ASTN1: variants seen among roughly 807,000 people sequenced by gnomAD.
ASTN1 encodes astrotactin-1.
In ASTN1, 41 loss-of-function variants were observed where a neutral mutation model predicts 140.7. That is an observed-to-expected ratio of 0.29 (90% CI 0.23 to 0.38). The LOEUF is 0.38. Ranked by LOEUF, ASTN1 falls within the 10% of genes least tolerant of loss-of-function variation. ASTN1 has a pLI of 1.00. For missense variants in ASTN1, 1,479 were observed against 1,678.8 expected, an observed-to-expected ratio of 0.88 and a Z score of 2.08; for synonymous variants, 640 against 652.2, an observed-to-expected ratio of 0.98 and a Z score of 0.29.
chr1:176,879,901 T>G (rs113446088), intron 20 of ASTN1, among the ~76,000 whole-genome samples: 4 of 152,316 alleles, frequency 2.6e-5, no homozygotes, highest in African/African-American at 9.6e-5. Context: ...GTCAGTTTAT[T>G]TCATCATCAT....
intron 16 of ASTN1, among the ~76,000 whole-genome samples, chr1:176,906,904 G>C (rs1670030268): frequency 6.6e-6 from 1 of 151,626 alleles, no homozygotes; most frequent in South Asian, 2.1e-4. Context: ...GCTAAAGGAA[G>C]ATGTGTGATT....
intron 9 of ASTN1, among the ~76,000 whole-genome samples, chr1:176,962,143 G>A (rs1672691752): frequency 6.6e-6 from 1 of 152,210 alleles, no homozygotes; most frequent in African/African-American, 2.4e-5. Flanking sequence ...CTCACTTTGA[G>A]GGAAGGTCTC....
chr1:176,964,297 CATCAG>C (rs1308362234), intron 9 of ASTN1, among the ~76,000 whole-genome samples: 1 of 152,172 alleles, frequency 6.6e-6, no homozygotes, highest in Non-Finnish European at 1.5e-5. Context: ...TAGCTGAATT[CATCAG>C]CCGCTTATGC....
rs1672485092 is a variant in ASTN1 at position 176,957,941 on chromosome 1, T to G, written c.1737-113A>C. 3.8e-5 allele frequency: 50 copies of G among 1,304,978 alleles called. 1 individual carries two copies. In the South Asian group the frequency reaches 6.9e-4, roughly 18 times the overall value. 80.8% of individuals were successfully genotyped at this position (1,304,978 alleles called of 1,614,324 possible). A position where few individuals can be genotyped will look rare whatever the true frequency, so the allele number is the denominator to read the frequency against. On this transcript the variant is annotated intron_variant, in intron 10 of 22. Transcript: ENST00000361833. ...CAACTGAATTGTGTCTCACTCTGTC[T>G]TATAAAAATTGAAGATCAACTATAC... is the stretch of plus-strand genomic sequence containing the variant.
intron 3 of ASTN1, among the ~76,000 whole-genome samples, chr1:177,031,315 G>A (rs1676431788): frequency 1.3e-5 from 2 of 152,184 alleles, no homozygotes; most frequent in East Asian, 3.9e-4. Flanking sequence ...TTGAATTTGT[G>A]TGCATTCAGG....
intron 8 of ASTN1, among the ~76,000 whole-genome samples, chr1:177,011,859 T>C (rs934567811): frequency 1.1e-4 from 16 of 152,150 alleles, no homozygotes; most frequent in Non-Finnish European, 1.5e-5. Context: ...CTTCTTATAT[T>C]AGTGTCCTTG....
At chr1:177,066,622 G>C (rs1678368701) in intron 1 of ASTN1, among the ~76,000 whole-genome samples, 1 of 152,118 alleles carries the variant, frequency 6.6e-6, no homozygotes, top group African/African-American at 2.4e-5. Context: ...GGCAGTCCCT[G>C]AACTGAGCTG....
intron 9 of ASTN1, among the ~76,000 whole-genome samples, chr1:176,962,321 T>G (rs1672699183): frequency 6.6e-6 from 1 of 152,186 alleles, no homozygotes; most frequent in Non-Finnish European, 1.5e-5. Flanking sequence ...GCTTTGGCCC[T>G]TCCCAAGTTA....
chr1:176,888,575 C>T (rs1669138659), intron 17 of ASTN1, among the ~76,000 whole-genome samples: 1 of 152,206 alleles, frequency 6.6e-6, no homozygotes, highest in African/African-American at 2.4e-5. Context: ...GCTACTCTTC[C>T]CTCTGCCCAG....
At chr1:177,072,779 T>C (rs1678706105) in intron 1 of ASTN1, among the ~76,000 whole-genome samples, 1 of 152,338 alleles carries the variant, frequency 6.6e-6, no homozygotes, top group South Asian at 2.1e-4. Flanking sequence ...ATGAAGTCTA[T>C]GCACCATGTG....
intron 1 of ASTN1, among the ~76,000 whole-genome samples, chr1:177,107,895 G>T (rs955262605): frequency 6.6e-6 from 1 of 152,148 alleles, no homozygotes; most frequent in Non-Finnish European, 1.5e-5. Flanking sequence ...AAGGAGAATG[G>T]AAAGCAATAA....
chr1:177,132,580 C>T (rs1397602279), intron 1 of ASTN1, among the ~76,000 whole-genome samples: 1 of 152,200 alleles, frequency 6.6e-6, no homozygotes, highest in Non-Finnish European at 1.5e-5. Flanking sequence ...CATCCCAAGT[C>T]TGGAAGCTGT....
intron 9 of ASTN1, 69 bp downstream of exon 9, chr1:176,965,094 G>T: frequency 6.9e-7 from 1 of 1,457,098 alleles, no homozygotes; most frequent in Non-Finnish European, 9.6e-7. Flanking sequence ...AACTAGGAAA[G>T]TCAGTTCGGG....
chr1:176,988,885 T>G (rs1371648983), intron 8 of ASTN1, among the ~76,000 whole-genome samples: 1 of 152,220 alleles, frequency 6.6e-6, no homozygotes, highest in African/African-American at 2.4e-5. Context: ...ATACACCTCC[T>G]GTCTATTCAG....
chr1:177,017,566 G>A (rs1188023963), intron 7 of ASTN1, among the ~76,000 whole-genome samples: 1 of 152,196 alleles, frequency 6.6e-6, no homozygotes, highest in Non-Finnish European at 1.5e-5. Context: ...GCCCTCCTAA[G>A]CTAGAAGTGT....
At chr1:176,956,146 T>A (rs1344299461) in intron 11 of ASTN1, among the ~76,000 whole-genome samples, 1 of 152,122 alleles carries the variant, frequency 6.6e-6, no homozygotes, top group Admixed American at 6.5e-5. Context: ...AGACGTGACC[T>A]AAAGAGCACT....
intron 1 of ASTN1, among the ~76,000 whole-genome samples, chr1:177,132,847 C>T (rs1682005840): frequency 6.6e-6 from 1 of 152,162 alleles, no homozygotes; most frequent in Admixed American, 6.5e-5. Context: ...TTTGCTTATG[C>T]ATTTCCCAAG....
intron 7 of ASTN1, among the ~76,000 whole-genome samples, chr1:177,021,159 CTT>C (rs1463334776): frequency 3.3e-5 from 5 of 152,196 alleles, no homozygotes; most frequent in Admixed American, 6.5e-5. Context: ...AAATGAGAGT[CTT>C]TGCAGTATTG....
intron 11 of ASTN1, among the ~76,000 whole-genome samples, chr1:176,953,854 A>G (rs532532753): frequency 6.6e-6 from 1 of 152,220 alleles, no homozygotes; most frequent in Non-Finnish European, 1.5e-5. Flanking sequence ...ACCTGTGTAC[A>G]TTCTTACGTC....
Sources: allele counts gnomAD v4.1 joint callset (sites outside exome capture counted in the v4.1 genomes callset), GRCh38; gene constraint gnomAD v4.1.1; transcripts MANE v1.5; gene names NCBI Gene and HGNC (gene_info 2026-07-23, HGNC 2026-07-21).